The following DNAH17 variants were observed in gnomAD, a reference collection of about 807,000 sequenced individuals.
DNAH17 encodes dynein axonemal heavy chain 17, also known as axonemal beta dynein heavy chain 17.
In DNAH17, 376 loss-of-function variants were observed where a neutral mutation model predicts 485.6. The observed-to-expected ratio is 0.77, with a 90% CI of 0.71 to 0.84. DNAH17 has a LOEUF of 0.84. Ranked by LOEUF, DNAH17 falls within the 40% of genes least tolerant of loss-of-function variation. The pLI is 0.00. For synonymous variants in DNAH17, 3,031 were observed against 2,405.9 expected, an observed-to-expected ratio of 1.26 and a Z score of -7.60; for missense variants, 6,370 against 5,839.3, an observed-to-expected ratio of 1.09 and a Z score of -2.96.
intron 61 of DNAH17, 72 bp from the exon 62 acceptor site, chr17:78,458,752 GCT>G: frequency 7.2e-7 from 1 of 1,381,610 alleles, no homozygotes; most frequent in Non-Finnish European, 1.0e-6. Context: ...CGGCAGCAGG[GCT>G]GGGCCCTGTG....
Position 78,557,977 on chromosome 17 carries a change from G to T in DNAH17, c.2178+131C>A, listed in dbSNP as rs1054652466. On this transcript the variant is annotated intron_variant, in intron 14 of 80. Coordinates refer to ENST00000389840, the MANE Select transcript of DNAH17 (RefSeq NM_173628.4). ...GGTACTCAGTAAGTATGCAGTGAAT[G>T]GAAGAATGAATTTGAGTGAATGGGA... 23 of 1,167,266 alleles carry T rather than the reference G, an allele frequency of 2.0e-5. 1 individual carries two copies. The African/African-American group carries it at 3.4e-4, about 17-fold the overall frequency. 72.3% of individuals were successfully genotyped at this position (1,167,266 alleles called of 1,614,324 possible). A position where few individuals can be genotyped will look rare whatever the true frequency, so the allele number is the denominator to read the frequency against.
In DNAH17 at chr17:78,567,039, A is replaced by G. The variant is rs1384627827; in HGVS notation, c.1412T>C (p.Phe471Ser). 2 of 1,613,806 alleles carry G rather than the reference A, an allele frequency of 1.2e-6. No individual in the cohort carries two copies. The highest frequency in any genetic ancestry group is 4.5e-5 in the East Asian group (2 of 44,878). ...YDEVFELVKV[F>S]ADCKYDPLDP... ...CAAGGGATCATATTTGCAGTCGGCA[A>G]AAACCTTCACCAGCTCAAAGACCTC... The change falls in exon 10 of 81, where the codon TTT becomes TCT. Residue 471 changes from phenylalanine to serine, a missense_variant. Transcript: ENST00000389840.
chr17:78,529,560 T>C lies in DNAH17; in HGVS notation c.3419A>G (p.Asp1140Gly). ...MKVKERQAAT[D>G]NMFEPLKQTI... ...TTGCTTCAGGGGCTCAAACATGTTG[T>C]CGGTGGCTGCTTGCCTCTCCTTGAC... The change falls in exon 22 of 81, where the codon GAC (aspartate) becomes GGC (glycine). Residue 1140 changes from aspartate (D) to glycine (G), a missense_variant. Coordinates refer to ENST00000389840, the MANE Select transcript of DNAH17 (RefSeq NM_173628.4). The C allele has an allele frequency of 6.2e-7, 1 of 1,613,992 alleles. No homozygotes were observed. Among genetic ancestry groups the C allele is most frequent in the Non-Finnish European group, 8.5e-7 (1 of 1,179,886 alleles).
At chr17:78,551,715 G>A in intron 15 of DNAH17, 77 bp from the exon 16 acceptor site, 1 of 1,441,310 alleles carries the variant, frequency 6.9e-7, no homozygotes, top group Non-Finnish European at 9.7e-7. Flanking sequence ...TGTAATCTCA[G>A]CCCTTTGGGA....
intron 48 of DNAH17, among the ~76,000 whole-genome samples, chr17:78,483,055 CG>C (rs1328212676): frequency 9.2e-5 from 14 of 152,146 alleles, no homozygotes; most frequent in Admixed American, 4.6e-4. Flanking sequence ...CAGAGAGGAA[CG>C]GGTGGGCTCT....
At chr17:78,552,894 C>A in intron 14 of DNAH17, 89 bp from the exon 15 acceptor site, 1 of 875,178 alleles carries the variant, frequency 1.1e-6, no homozygotes, top group Non-Finnish European at 1.9e-6. Flanking sequence ...TCAACACCAA[C>A]TAATACGGTT....
rs767993002 is a variant in DNAH17, at chr17:78,569,500, C to A, written c.1072G>T (p.Val358Leu). The A allele has an allele frequency of 1.9e-6, 3 of 1,609,222 alleles. No individual in the cohort carries two copies. The highest frequency in any genetic ancestry group is 2.2e-5 in the South Asian group (2 of 89,952). ...MTRTFLSPEE[V>L]LKGLQGEIEE... ...ATTTCACCTTGCAGGCCCTTCAGCA[C>A]CTCTTCCGGGCTCAGGAAGGTTCGT... The change falls in exon 8 of 81, where the codon GTG (valine) becomes TTG (leucine). Residue 358 changes from valine to leucine, a missense_variant. By Grantham distance (32) the Val-to-Leu change is conservative. Coordinates refer to ENST00000389840, the MANE Select transcript of DNAH17 (RefSeq NM_173628.4).
chr17:78,430,189 C>CT (rs1315785730), intron 75 of DNAH17, among the ~76,000 whole-genome samples: 1 of 152,254 alleles, frequency 6.6e-6, no homozygotes. Flanking sequence ...TTTGGAGCCT[C>CT]TTTCTCCTGC....
At chr17:78,569,563 A>AC in intron 7 of DNAH17, 36 bp from the exon 8 acceptor site, 1 of 1,582,734 alleles carries the variant, frequency 6.3e-7, no homozygotes, top group Non-Finnish European at 8.6e-7. Context: ...TAAAGCTCCG[A>AC]CAAGCCATTT....
rs144240597 is a variant in DNAH17, at chr17:78,434,862, G to A, written c.12034-642C>T. Among the ~76,000 whole-genome samples the A allele has an allele frequency of 1.2e-4, 18 of 152,314 alleles. 1 individual carries two copies. In the East Asian group the frequency reaches 1.4e-3, roughly 11 times the overall value. ...CTGTGCTCCACCTGCTCTACTCAGC[G>A]GCTGACGGAGCACCTCTGGGGCCAG... On this transcript the variant is annotated intron_variant, in intron 74 of 80. Transcript: ENST00000389840.
chr17:78,499,260 C>T, intron 36 of DNAH17, 148 bp from the exon 37 acceptor site: 1 of 547,366 alleles, frequency 1.8e-6, no homozygotes, highest in Non-Finnish European at 3.2e-6. Flanking sequence ...CGCAGGCCAG[C>T]AGGCAGGTCA....
In DNAH17 at chr17:78,574,657, G is replaced by A. The variant is rs368046064; in HGVS notation, c.345+56C>T. On this transcript the variant is annotated intron_variant, in intron 2 of 80. Transcript: ENST00000389840. ...AGGCTGAGCAGCAGGACTCAAGGCC[G>A]CTCCCGAGAAGTCGGTCGTGCTCGA... 479 of 1,471,758 alleles carry A rather than the reference G, an allele frequency of 3.3e-4. 2 individuals are homozygous for A. In the African/African-American group the frequency reaches 5.4e-3, roughly 17 times the overall value. The allele number at this position is 1,471,758 out of a possible 1,614,324, so 91.2% of individuals were successfully genotyped here.
At position 78,423,704 on chromosome 17, in the gene DNAH17, C is replaced by G. The variant is rs150783880; in HGVS notation, c.*202G>C. On this transcript the variant is annotated 3_prime_UTR_variant, in exon 81 of 81. Coordinates refer to ENST00000389840, the MANE Select transcript of DNAH17 (RefSeq NM_173628.4). ...AGAATGGATGGGCACAGCTGAGTGGCTCCACTGGCTTTAATCTGCCCCACC... is the reference window on the plus strand; with the variant it reads ...AGAATGGATGGGCACAGCTGAGTGGGTCCACTGGCTTTAATCTGCCCCACC... The G allele has an allele frequency of 7.0e-4, 441 of 629,566 alleles. 2 individuals carry two copies. In the African/African-American group the frequency reaches 7.5e-3, roughly 11 times the overall value. 39.0% of individuals were successfully genotyped at this position (629,566 alleles called of 1,614,324 possible). A position where few individuals can be genotyped will look rare whatever the true frequency, so the allele number is the denominator to read the frequency against.
chr17:78,536,205 C>T (rs1159334382), intron 19 of DNAH17, among the ~76,000 whole-genome samples: 1 of 151,954 alleles, frequency 6.6e-6, no homozygotes, highest in African/African-American at 2.4e-5. Flanking sequence ...TTTGGGAGGC[C>T]AAGGCGGGTG....
At chr17:78,530,690 A>G (rs1237950371) in intron 20 of DNAH17, among the ~76,000 whole-genome samples, 178 bp from the exon 21 acceptor site, 3 of 152,024 alleles carry the variant, frequency 2.0e-5, no homozygotes. Context: ...ATTCCAAGTT[A>G]TTGTTCCTTC....
At chr17:78,490,949 G>C (rs1032647685) in intron 43 of DNAH17, 102 bp from the exon 44 acceptor site, 2 of 1,395,294 alleles carry the variant, frequency 1.4e-6, no homozygotes, top group Non-Finnish European at 1.9e-6. Flanking sequence ...GAGCAAGGAG[G>C]AGGGGCCCAG....
intron 44 of DNAH17, among the ~76,000 whole-genome samples, chr17:78,488,583 G>C (rs532309060): frequency 6.6e-6 from 1 of 151,960 alleles, no homozygotes; most frequent in Non-Finnish European, 1.5e-5. Flanking sequence ...TCAGTTCCCC[G>C]GACATTGTCT....
chr17:78,525,695 G>A (rs1330976195), intron 24 of DNAH17, among the ~76,000 whole-genome samples: 1 of 152,222 alleles, frequency 6.6e-6, no homozygotes. Context: ...GACACGCAGG[G>A]ACTGCCTGCT....
intron 25 of DNAH17, chr17:78,522,368 T>A: frequency 3.5e-6 from 1 of 282,776 alleles, no homozygotes. Flanking sequence ...ATTAAAATGC[T>A]AGAGGAAGAG....
Sources: allele counts gnomAD v4.1 joint callset (sites outside exome capture counted in the v4.1 genomes callset), GRCh38; gene constraint gnomAD v4.1.1; transcripts MANE v1.5; gene names NCBI Gene and HGNC (gene_info 2026-07-23, HGNC 2026-07-21).